LARP4B: variants seen among roughly 807,000 people sequenced by gnomAD.
The protein encoded by LARP4B is La ribonucleoprotein 4B.
Under a neutral mutation model 89.8 loss-of-function variants are expected in LARP4B, and 12 were observed. The ratio of observed to expected loss-of-function variants is 0.13; its 90% confidence interval spans 0.09 to 0.22. The LOEUF (loss-of-function observed/expected upper bound fraction) is 0.22, where lower values mean the gene tolerates loss of function less well. Among genes scored for constraint, LARP4B ranks in the 10% least tolerant of loss-of-function variants. LARP4B has a pLI of 1.00. For missense variants in LARP4B, 757 were observed against 947.7 expected (o/e 0.80, Z 2.64); for synonymous variants, 367 against 363.3 (o/e 1.01, Z -0.12).
At chr10:865,635 C>T (rs558872014) in intron 3 of LARP4B, among the ~76,000 whole-genome samples, 1 of 152,164 alleles carries the variant, frequency 6.6e-6, no homozygotes, top group Non-Finnish European at 1.5e-5. Context: ...AAAAGTCCCC[C>T]ACCATGTGGA....
the LARP4B span, among the ~76,000 whole-genome samples, chr10:970,080 G>A: frequency 6.6e-6 from 1 of 152,182 alleles, no homozygotes; most frequent in Admixed American, 6.5e-5. Flanking sequence ...AACTAATAAC[G>A]ACTGAGATGA....
At chr10:807,888 CT>C (rs1371594947), downstream of LARP4B, 1 of 152,334 alleles carries the variant, frequency 6.6e-6, no homozygotes, top group African/African-American at 2.4e-5. Flanking sequence ...ACCCACACAC[CT>C]TCGTCTAAGC....
At chr10:928,849 C>T (rs1159121671) in intron 1 of LARP4B, among the ~76,000 whole-genome samples, 1 of 151,940 alleles carries the variant, frequency 6.6e-6, no homozygotes, top group Non-Finnish European at 1.5e-5. Context: ...GCTGGGATTA[C>T]AGGAATGAGC....
At chr10:982,058 T>C in the LARP4B span, among the ~76,000 whole-genome samples, 1 of 152,006 alleles carries the variant, frequency 6.6e-6, no homozygotes, top group East Asian at 1.9e-4. Flanking sequence ...TTAGCTACTT[T>C]TTTTTTTGAT....
chr10:814,595 G>T lies in LARP4B; in HGVS notation c.1929+147C>A, dbSNP rs1334765720. 3.3e-6 allele frequency: 5 copies of T among 1,517,756 alleles called. No individual in the cohort carries two copies. Among genetic ancestry groups the T allele is most frequent in the Non-Finnish European group, 3.6e-6 (4 of 1,118,682 alleles). 94.0% of individuals were successfully genotyped at this position (1,517,756 alleles called of 1,614,324 possible). On this transcript the variant is annotated intron_variant, in intron 17 of 17. Transcript: ENST00000316157. The surrounding 1 kb of genome is among the most constrained non-coding windows in gnomAD (Gnocchi z 4.4). ...TATTAGCAAATATTAAAGGTATTTTGTACAGAAAACACAACACAGACAGAC... is the reference window on the plus strand; with the variant it reads ...TATTAGCAAATATTAAAGGTATTTTTTACAGAAAACACAACACAGACAGAC...
At chr10:974,285 C>T in the LARP4B span, among the ~76,000 whole-genome samples, 4 of 142,226 alleles carry the variant, frequency 2.8e-5, no homozygotes, top group African/African-American at 5.0e-5. Context: ...AAACCCAGGG[C>T]GGGTGGGAAG....
chr10:940,378 T>A, the LARP4B span, among the ~76,000 whole-genome samples: 1 of 152,218 alleles, frequency 6.6e-6, no homozygotes. Context: ...GGTCTCAAAC[T>A]CCTGACCTCA....
intron 3 of LARP4B, 143 bp from the exon 4 acceptor site, chr10:864,413 G>T: frequency 1.6e-6 from 1 of 627,306 alleles, no homozygotes; most frequent in Non-Finnish European, 2.5e-6. Context: ...AATGAAATCA[G>T]GTTCAAAATT....
At chr10:817,566 G>T (rs915496242) in intron 15 of LARP4B, among the ~76,000 whole-genome samples, 159 bp downstream of exon 15, 1 of 152,082 alleles carries the variant, frequency 6.6e-6, no homozygotes, top group Non-Finnish European at 1.5e-5. Flanking sequence ...TTCAAGGCTG[G>T]CCTTACTCCA....
At chr10:862,271 A>AC (rs767139858) in intron 5 of LARP4B, among the ~76,000 whole-genome samples, 3,038 of 149,830 alleles carry the variant, frequency 0.02, 62 homozygotes, top group Admixed American at 0.057. Flanking sequence ...AAAAAAAAAA[A>AC]AAAAAAAAAA....
chr10:835,888 G>A (rs559935555), intron 8 of LARP4B, among the ~76,000 whole-genome samples: 36 of 151,386 alleles, frequency 2.4e-4, no homozygotes, highest in Non-Finnish European at 5.9e-5. Flanking sequence ...AGCCGAGGTT[G>A]CGCCACTGCA....
At position 878,193 on chromosome 10, in the gene LARP4B, G is replaced by A. The variant is rs149362358; in HGVS notation, c.141+6254C>T. 6.6e-4 allele frequency among the ~76,000 whole-genome samples: 100 copies of A among 152,310 alleles called. 1 individual carries two copies. The highest frequency in any genetic ancestry group is 5.6e-3 in the South Asian group (27 of 4,822). Reference sequence around the variant, plus strand: ...TCAGAGAGGACAGGTGCCAGACTACGAAGGCTAGGGACCTGCCAGAACTCA... The same window carrying A: ...TCAGAGAGGACAGGTGCCAGACTACAAAGGCTAGGGACCTGCCAGAACTCA... On this transcript the variant is annotated intron_variant, in intron 3 of 17. Coordinates refer to ENST00000316157, the MANE Select transcript of LARP4B (RefSeq NM_015155.3).
chr10:878,682 G>A, intron 3 of LARP4B, among the ~76,000 whole-genome samples: 1 of 152,314 alleles, frequency 6.6e-6, no homozygotes, highest in Non-Finnish European at 1.5e-5. Flanking sequence ...CCGGGGCCTA[G>A]GAAGGCAGCC....
At chr10:956,213 C>T in the LARP4B span, among the ~76,000 whole-genome samples, 1 of 152,174 alleles carries the variant, frequency 6.6e-6, no homozygotes, top group East Asian at 1.9e-4. The surrounding 1 kb of genome is among the most constrained non-coding windows in gnomAD (Gnocchi z 4.3). Flanking sequence ...AGCGTGACGG[C>T]AGCTTGGAGC....
In LARP4B at chr10:812,918, T is replaced by C. The variant is rs760903927; in HGVS notation, c.*8A>G. 6.5e-6 allele frequency: 10 copies of C among 1,527,380 alleles called. No individual in the cohort carries two copies. Among genetic ancestry groups the C allele is most frequent in the Middle Eastern group, 2.4e-4 (1 of 4,116 alleles). The allele number at this position is 1,527,380 out of a possible 1,614,324, so 94.6% of individuals were successfully genotyped here. A position where few individuals can be genotyped will look rare whatever the true frequency, so the allele number is the denominator to read the frequency against. On this transcript the variant is annotated 3_prime_UTR_variant, in exon 18 of 18. Transcript: ENST00000316157. ...AGCGCTCTGCGACCCCTCCCAGACG[T>C]ACGGTTTTCACTGAGGAGACTTGGG...
the LARP4B span, chr10:972,794 T>C: frequency 2.9e-3 from 1,338 of 456,792 alleles, 21 homozygotes; most frequent in African/African-American, 0.024. Context: ...CAGCCCCAGG[T>C]AGCCGCATTC....
chr10:960,679 G>C, the LARP4B span, among the ~76,000 whole-genome samples: 1 of 117,696 alleles, frequency 8.5e-6, no homozygotes, highest in South Asian at 2.8e-4. Flanking sequence ...CTGCACTCCA[G>C]CCAGGGCAAC....
intron 1 of LARP4B, among the ~76,000 whole-genome samples, chr10:899,320 G>C (rs1328836552): frequency 1.3e-5 from 2 of 152,212 alleles, no homozygotes; most frequent in South Asian, 4.2e-4. Context: ...TGCTGTATGG[G>C]AGCCAAATAT....
intron 1 of LARP4B, among the ~76,000 whole-genome samples, chr10:902,154 C>T (rs956815398): frequency 2.6e-5 from 4 of 152,058 alleles, no homozygotes; most frequent in Non-Finnish European, 5.9e-5. Flanking sequence ...AAACAACCAC[C>T]GAAACTGGAG....
Sources: gnomAD v4.1 joint callset for allele counts (sites outside exome capture counted in the v4.1 genomes callset) on GRCh38, gnomAD v4.1.1 for gene constraint, Gnocchi (gnomAD v3.1) non-coding constraint, MANE v1.5 for transcripts, NCBI Gene and HGNC (gene_info 2026-07-23, HGNC 2026-07-21) for gene names.